Variants in KIF1A observed in about 807,000 individuals in gnomAD.
KIF1A encodes kinesin family member 1A.
A neutral mutation model predicts 227.3 loss-of-function variants in KIF1A; 46 were observed. The ratio of observed to expected loss-of-function variants is 0.20; its 90% CI spans 0.16 to 0.26. The LOEUF (loss-of-function observed/expected upper bound fraction) is 0.26, where lower values mean the gene tolerates loss of function less well. KIF1A is among the 10% of genes least tolerant of loss of function. The pLI is 1.00. For synonymous variants in KIF1A, 1,022 were observed against 1,012.8 expected, an observed-to-expected ratio of 1.01 and a Z score of -0.17; for missense variants, 1,683 against 2,485.9, an observed-to-expected ratio of 0.68 and a Z score of 6.87.
At chr2:240,810,770 T>C (rs1208660996) in intron 1 of KIF1A, among the ~76,000 whole-genome samples, 2 of 152,144 alleles carry the variant, frequency 1.3e-5, no homozygotes, top group Non-Finnish European at 2.9e-5. Context: ...ACCGAATTCA[T>C]GGTGCTGGGC....
upstream of KIF1A, among the ~76,000 whole-genome samples, chr2:240,821,158 T>G (rs1176250148): frequency 1.3e-5 from 2 of 152,182 alleles, no homozygotes; most frequent in African/African-American, 4.8e-5. Context: ...GTGCACGGAT[T>G]TCGGGCCACC....
At position 240,717,475 on chromosome 2, in the gene KIF1A, T is replaced by C; in HGVS notation, c.5334-69A>G. The C allele has an allele frequency of 4.1e-6, 6 of 1,471,960 alleles. No individual in the cohort carries two copies. The South Asian group carries it at 4.6e-5, about 11-fold the overall frequency. The allele number at this position is 1,471,960 out of a possible 1,614,324, so 91.2% of individuals were successfully genotyped here. On this transcript the variant is annotated intron_variant, in intron 48 of 48. Transcript: ENST00000498729. ...CCTGCAGGCCATATCCACCGTGCCCTGCACAGGCAGGCAGCCGTGAGGGGC... is the reference window on the plus strand; with the variant it reads ...CCTGCAGGCCATATCCACCGTGCCCCGCACAGGCAGGCAGCCGTGAGGGGC...
chr2:240,752,829 G>T lies in KIF1A; in HGVS notation c.2859-2282C>A, dbSNP rs4676373. On this transcript the variant is annotated intron_variant, in intron 27 of 48. Transcript: ENST00000498729. This position sits in a 1 kb window ranked among gnomAD's most constrained non-coding sequence, Gnocchi z 6.4. ...AAGCCCATGGGGTGGTGCTCGGAGA[G>T]GGGGCAGGACCTGGGACCACTCCCA... Among the ~76,000 whole-genome samples the T allele has an allele frequency of 6.6e-6, 1 of 151,922 alleles. No individual in the cohort carries two copies. Among genetic ancestry groups the T allele is most frequent in the Non-Finnish European group, 1.5e-5 (1 of 67,972 alleles).
intron 38 of KIF1A, among the ~76,000 whole-genome samples, chr2:240,734,930 C>T (rs1244933032): frequency 6.6e-6 from 1 of 152,118 alleles, no homozygotes; most frequent in African/African-American, 2.4e-5. Context: ...AAGGCCAAGG[C>T]CCCAGGCTGG....
chr2:240,729,958 A>G (rs2046419445), intron 38 of KIF1A, among the ~76,000 whole-genome samples: 1 of 152,190 alleles, frequency 6.6e-6, no homozygotes, highest in Non-Finnish European at 1.5e-5. Context: ...TCAGCCCCAG[A>G]GGCTTCCCAC....
chr2:240,753,560 G>A (rs1016881170), intron 27 of KIF1A, among the ~76,000 whole-genome samples: 1 of 152,182 alleles, frequency 6.6e-6, no homozygotes, highest in Non-Finnish European at 1.5e-5. Flanking sequence ...CCATTATGAA[G>A]CAACATGGCA....
intron 6 of KIF1A, 45 bp downstream of exon 6, chr2:240,786,290 G>A (rs781549756): frequency 1.5e-5 from 24 of 1,578,334 alleles, no homozygotes; most frequent in Middle Eastern, 1.7e-4. Context: ...GGGGAGAGGC[G>A]GCAGGACAGG....
chr2:240,730,308 C>T (rs1180036020), intron 38 of KIF1A, among the ~76,000 whole-genome samples: 2 of 152,196 alleles, frequency 1.3e-5, no homozygotes, highest in Non-Finnish European at 2.9e-5. Flanking sequence ...GATGGGTGCC[C>T]TGTGATCATA....
chr2:240,813,784 G>A (rs1055839450), intron 1 of KIF1A, among the ~76,000 whole-genome samples: 78 of 152,120 alleles, frequency 5.1e-4, no homozygotes, highest in African/African-American at 1.7e-3. Context: ...TGCCTTCCTC[G>A]GGCGTGAGAA....
In KIF1A at chr2:240,752,884, G is replaced by A. The variant is rs1197793085; in HGVS notation, c.2859-2337C>T. Among the ~76,000 whole-genome samples, 3 of 152,270 alleles carry A rather than the reference G, an allele frequency of 2.0e-5. No individual in the cohort carries two copies. Among genetic ancestry groups the A allele is most frequent in the East Asian group, 1.9e-4 (1 of 5,156 alleles). On this transcript the variant is annotated intron_variant, in intron 27 of 48. Coordinates refer to ENST00000498729, the MANE Select transcript of KIF1A (RefSeq NM_001244008.2). The surrounding 1 kb of genome is among the most constrained non-coding windows in gnomAD (Gnocchi z 6.4). ...GGGCCAGGTGAGGACACTCAGGCAC[G>A]GGGTTCCTGAATCCATTGGCGCAGC...
intron 40 of KIF1A, 89 bp from the exon 41 acceptor site, chr2:240,724,125 A>T (rs1405648255): frequency 8.8e-7 from 1 of 1,135,134 alleles, no homozygotes. Context: ...CCCCACTATC[A>T]AACGCACAGT....
At chr2:240,796,862 A>T (rs1319418237) in intron 2 of KIF1A, among the ~76,000 whole-genome samples, 1 of 151,804 alleles carries the variant, frequency 6.6e-6, no homozygotes, top group African/African-American at 2.4e-5. Context: ...AAACCTAGGG[A>T]GGAAGCTTCC....
At position 240,746,190 on chromosome 2, in the gene KIF1A, G is replaced by A. The variant is rs779347174; in HGVS notation, c.3064-13C>T. The A allele has an allele frequency of 8.4e-6, 13 of 1,556,378 alleles. No homozygotes were observed. The highest frequency in any genetic ancestry group is 1.1e-5 in the Non-Finnish European group (13 of 1,150,558). On this transcript the variant is annotated splice_polypyrimidine_tract_variant and intron_variant, in intron 29 of 48. Transcript: ENST00000498729. The stretch of plus-strand genomic sequence containing the variant: ...ACTCGGACTGGAACTGATCAGAGGG[G>A]GACCAGAGTCAGAGAGAGCCAGGAG...
At chr2:240,751,761 C>A (rs2049236997) in intron 27 of KIF1A, among the ~76,000 whole-genome samples, 1 of 152,182 alleles carries the variant, frequency 6.6e-6, no homozygotes, top group South Asian at 2.1e-4. Flanking sequence ...GGGGTCCAGG[C>A]CCTGCCTCCC....
chr2:240,750,332 G>A, intron 28 of KIF1A, 97 bp downstream of exon 28: 1 of 819,866 alleles, frequency 1.2e-6, no homozygotes, highest in South Asian at 1.6e-5. Context: ...ACTACATGAT[G>A]CCAGAAGGCC....
At chr2:240,768,804 T>A (rs779414187) in intron 17 of KIF1A, among the ~76,000 whole-genome samples, 5 of 152,168 alleles carry the variant, frequency 3.3e-5, no homozygotes, top group Non-Finnish European at 7.4e-5. Context: ...CCAGGGCAGG[T>A]CCAGGCCCCT....
chr2:240,808,712 G>C (rs918323345), intron 1 of KIF1A, among the ~76,000 whole-genome samples: 1 of 151,760 alleles, frequency 6.6e-6, no homozygotes, highest in African/African-American at 2.4e-5. Flanking sequence ...AAACTATAGA[G>C]TACCTAGGAA....
chr2:240,745,944 A>G (rs1478513111), intron 30 of KIF1A, 35 bp from the exon 31 acceptor site: 1 of 1,593,324 alleles, frequency 6.3e-7, no homozygotes, highest in Non-Finnish European at 8.6e-7. Flanking sequence ...ATGGACCTCC[A>G]GGCCATATTG....
At chr2:240,784,225 G>A (rs895844653) in intron 7 of KIF1A, among the ~76,000 whole-genome samples, 5 of 152,158 alleles carry the variant, frequency 3.3e-5, no homozygotes, top group Non-Finnish European at 2.9e-5. Context: ...GCCACCACAC[G>A]GGCCATGGCT....
Sources: allele counts gnomAD v4.1 joint callset (sites outside exome capture counted in the v4.1 genomes callset), GRCh38; gene constraint gnomAD v4.1.1; non-coding constraint Gnocchi (gnomAD v3.1); transcripts MANE v1.5; gene names NCBI Gene and HGNC (gene_info 2026-07-23, HGNC 2026-07-21).